INPP4B: variants seen among roughly 807,000 people sequenced by gnomAD.
The protein encoded by INPP4B is inositol polyphosphate-4-phosphatase type II B, also known as inositol polyphosphate 4-phosphatase type II.
In INPP4B, 55 loss-of-function variants were observed where a neutral mutation model predicts 122.5. The ratio of observed to expected loss-of-function variants is 0.45; its 90% CI spans 0.36 to 0.56. The LOEUF (loss-of-function observed/expected upper bound fraction) is 0.56. Among genes scored for constraint, INPP4B ranks in the 20% least tolerant of loss-of-function variants. The probability of loss-of-function intolerance (pLI) is 0.00; values close to 1 mark genes in which losing one functional copy is unlikely to be tolerated. For missense variants in INPP4B, 1,000 were observed against 1,097.7 expected (o/e 0.91, Z 1.26); for synonymous variants, 403 against 388.7 (o/e 1.04, Z -0.43).
At chr4:142,520,953 T>A (rs559199303) in intron 2 of INPP4B, among the ~76,000 whole-genome samples, 1 of 152,112 alleles carries the variant, frequency 6.6e-6, no homozygotes, top group Non-Finnish European at 1.5e-5. Flanking sequence ...TTTAGTGCCA[T>A]ATAAAACTGT....
chr4:142,736,389 C>G (rs1158635429), intron 1 of INPP4B, among the ~76,000 whole-genome samples: 1 of 152,114 alleles, frequency 6.6e-6, no homozygotes, highest in Admixed American at 6.5e-5. Context: ...ATTCCCTTAT[C>G]AGCTTTCCTG....
At chr4:142,471,781 C>T (rs1818883508) in intron 2 of INPP4B, among the ~76,000 whole-genome samples, 1 of 152,060 alleles carries the variant, frequency 6.6e-6, no homozygotes, top group Admixed American at 6.6e-5. Context: ...CAAGCCTGAG[C>T]ACCCGCAATC....
At chr4:142,185,094 G>A (rs1832578395) in intron 15 of INPP4B, among the ~76,000 whole-genome samples, 1 of 152,060 alleles carries the variant, frequency 6.6e-6, no homozygotes, top group South Asian at 2.1e-4. Flanking sequence ...CTATGTGCTA[G>A]GATTATCTTA....
chr4:142,126,248 G>A (rs1466245562), intron 18 of INPP4B, among the ~76,000 whole-genome samples: 2 of 152,070 alleles, frequency 1.3e-5, no homozygotes, highest in Non-Finnish European at 2.9e-5. Context: ...TTATAAAGCA[G>A]GAACTGAAAT....
chr4:142,601,152 T>C (rs1480676920), intron 2 of INPP4B, among the ~76,000 whole-genome samples: 1 of 151,762 alleles, frequency 6.6e-6, no homozygotes, highest in Admixed American at 6.6e-5. Context: ...GAAGAGAAAA[T>C]AAACAAAGAA....
intron 18 of INPP4B, among the ~76,000 whole-genome samples, chr4:142,144,517 A>G (rs1291001927): frequency 6.6e-6 from 1 of 152,052 alleles, no homozygotes; most frequent in Admixed American, 6.6e-5. Context: ...GAAGTATGCT[A>G]TTTCTTCATG....
chr4:142,269,105 C>T (rs1262358222), intron 10 of INPP4B, among the ~76,000 whole-genome samples: 1 of 152,162 alleles, frequency 6.6e-6, no homozygotes, highest in Non-Finnish European at 1.5e-5. Flanking sequence ...ACTAGAAAAT[C>T]ATCCCTCTGC....
chr4:142,685,317 A>ACCCT (rs1759192018), intron 2 of INPP4B, among the ~76,000 whole-genome samples: 1 of 151,948 alleles, frequency 6.6e-6, no homozygotes, highest in Non-Finnish European at 1.5e-5. Flanking sequence ...AGAGAGGAGA[A>ACCCT]AAAAAGCCAA....
At chr4:142,368,513 T>G (rs1393537607) in intron 7 of INPP4B, among the ~76,000 whole-genome samples, 2 of 152,122 alleles carry the variant, frequency 1.3e-5, no homozygotes, top group Admixed American at 6.6e-5. Context: ...TGTGCATATC[T>G]CTTTCATAAA....
chr4:142,277,967 C>T (rs527644184), intron 9 of INPP4B, among the ~76,000 whole-genome samples: 14 of 151,860 alleles, frequency 9.2e-5, no homozygotes, highest in South Asian at 4.2e-4. Context: ...TTGCACTGCT[C>T]GGATGATGGG....
At chr4:142,708,852 C>A (rs1180106853) in intron 2 of INPP4B, among the ~76,000 whole-genome samples, 1 of 152,156 alleles carries the variant, frequency 6.6e-6, no homozygotes, top group Admixed American at 6.5e-5. Context: ...CTACTCCAGA[C>A]CTCAGAACAG....
intron 2 of INPP4B, among the ~76,000 whole-genome samples, chr4:142,562,382 A>T (rs1386117659): frequency 6.6e-6 from 1 of 152,190 alleles, no homozygotes; most frequent in Non-Finnish European, 1.5e-5. Context: ...GAGAAGCTAA[A>T]TCCCATCTCT....
chr4:142,293,637 TCAATCCTTTATCTTACTGAAGCA>T (rs770223304), intron 9 of INPP4B, among the ~76,000 whole-genome samples: 18 of 152,222 alleles, frequency 1.2e-4, no homozygotes, highest in Non-Finnish European at 2.1e-4. Context: ...TTTCCCTGAC[TCAATCCTTTATCTTACTGAAGCA>T]CTATTGCAAA....
chr4:142,317,855 T>TG (rs1242961108), intron 7 of INPP4B, among the ~76,000 whole-genome samples: 4 of 152,170 alleles, frequency 2.6e-5, no homozygotes, highest in Admixed American at 2.6e-4. Flanking sequence ...TTGATGCTAT[T>TG]GGGGCCCTGC....
At chr4:142,649,756 T>A (rs1351625388) in intron 2 of INPP4B, among the ~76,000 whole-genome samples, 1 of 152,124 alleles carries the variant, frequency 6.6e-6, no homozygotes, top group Non-Finnish European at 1.5e-5. Flanking sequence ...TATCTGAAAG[T>A]GATGGGGAGA....
chr4:142,403,578 A>C (rs1451844901), intron 6 of INPP4B, among the ~76,000 whole-genome samples: 1 of 152,180 alleles, frequency 6.6e-6, no homozygotes, highest in Non-Finnish European at 1.5e-5. Context: ...AAACTAATGA[A>C]AGAAACTCTA....
At chr4:142,623,277 G>A (rs1437174311) in intron 2 of INPP4B, among the ~76,000 whole-genome samples, 1 of 151,936 alleles carries the variant, frequency 6.6e-6, no homozygotes, top group Non-Finnish European at 1.5e-5. Flanking sequence ...TAACAGGGTG[G>A]TGAAAACAAA....
At chr4:142,803,033 G>A (rs943618301) in intron 1 of INPP4B, among the ~76,000 whole-genome samples, 2 of 151,868 alleles carry the variant, frequency 1.3e-5, no homozygotes, top group Non-Finnish European at 2.9e-5. Flanking sequence ...AGCCAGGCAT[G>A]GTGGTGAGTA....
At chr4:142,295,364 G>A (rs1179239299) in intron 9 of INPP4B, among the ~76,000 whole-genome samples, 2 of 152,188 alleles carry the variant, frequency 1.3e-5, no homozygotes, top group Non-Finnish European at 2.9e-5. Context: ...ACCTGCATGT[G>A]GATGGAGGCA....
Sources: gnomAD v4.1 joint callset for allele counts (sites outside exome capture counted in the v4.1 genomes callset) on GRCh38, gnomAD v4.1.1 for gene constraint, MANE v1.5 for transcripts, NCBI Gene and HGNC (gene_info 2026-07-23, HGNC 2026-07-21) for gene names.